BMP8B: variants seen among roughly 807,000 people sequenced by gnomAD.
BMP8B encodes bone morphogenetic protein 8b, also known as bone morphogenetic protein 8 (osteogenic protein 2).
In BMP8B, 17 loss-of-function variants were observed where a neutral mutation model predicts 30.3. That is an observed-to-expected ratio of 0.56 (90% confidence interval 0.38 to 0.84). BMP8B has a LOEUF of 0.84. Among genes scored for constraint, BMP8B ranks in the 40% least tolerant of loss-of-function variants. BMP8B has a pLI of 0.00. For missense variants in BMP8B, 253 were observed against 494.6 expected, an observed-to-expected ratio of 0.51 and a Z score of 4.63; for synonymous variants, 131 against 214.7, an observed-to-expected ratio of 0.61 and a Z score of 3.41.
rs957526438 is a variant in BMP8B at position 39,769,266 on chromosome 1, A to G, written c.674-4449T>C. On this transcript the variant is annotated intron_variant, in intron 3 of 6. Coordinates refer to ENST00000372827, the MANE Select transcript of BMP8B (RefSeq NM_001720.5). ...GCATGTCTTCCAATCACAAACTCAC[A>G]TCTTTGCTCGCCTATTTCTCACTGC... 8.9e-4 allele frequency among the ~76,000 whole-genome samples: 134 copies of G among 150,978 alleles called. 7 individuals carry two copies. Among genetic ancestry groups the G allele is most frequent in the Non-Finnish European group, 1.2e-3 (84 of 67,796 alleles).
Position 39,760,562 on chromosome 1 carries a change from G to A in BMP8B, c.1066C>T (p.Leu356=). The change falls in exon 7 of 7, where the codon CTG becomes TTG. Residue 356 remains leucine (L), a synonymous_variant. Transcript: ENST00000372827. ...NHAILQSLVH[L]MMPDAVPKAC... Reference sequence around the variant, plus strand: ...TTGGGGACTGCGTCTGGCATCATCAGGTGCACCTGGCCAGGAAGAGGGCAC... The same window carrying A: ...TTGGGGACTGCGTCTGGCATCATCAAGTGCACCTGGCCAGGAAGAGGGCAC... 1 of 1,613,674 alleles carries A rather than the reference G, an allele frequency of 6.2e-7. No homozygotes were observed. Among genetic ancestry groups the A allele is most frequent in the Non-Finnish European group, 8.5e-7 (1 of 1,179,980 alleles).
chr1:39,762,558 A>C lies in BMP8B; in HGVS notation c.1059+534T>G, dbSNP rs948428435. 6 of 1,550,314 alleles carry C rather than the reference A, an allele frequency of 3.9e-6. No homozygotes were observed. The African/African-American group carries it at 8.2e-5, about 21-fold the overall frequency. On this transcript the variant is annotated intron_variant, in intron 6 of 6. Coordinates refer to ENST00000372827, the MANE Select transcript of BMP8B (RefSeq NM_001720.5). The stretch of plus-strand genomic sequence containing the variant: ...AGGCATCAAAAGCCAGGGGATCCAG[A>C]AAAAACAAAGATGGCCAAGAGAGAA...
chr1:39,763,122 A>G lies in BMP8B; in HGVS notation c.1029T>C (p.Asn343=), dbSNP rs373261747. The G allele has an allele frequency of 2.8e-4, 447 of 1,614,098 alleles. 4 individuals carry two copies. The Admixed American group carries it at 6.2e-3, about 23-fold the overall frequency. The change falls in exon 6 of 7, where the codon AAT becomes AAC. Residue 343 remains asparagine (N), a synonymous_variant. Coordinates refer to ENST00000372827, the MANE Select transcript of BMP8B (RefSeq NM_001720.5). ...ECSFPLDSCM[N]ATNHAILQSL... is the part of the protein sequence containing the mutation. Reference sequence around the variant, plus strand: ...ACTGCAGGATGGCGTGGTTGGTGGCATTCATGCAGGAGTCCAGTGGGAAGG... The same window carrying G: ...ACTGCAGGATGGCGTGGTTGGTGGCGTTCATGCAGGAGTCCAGTGGGAAGG...
chr1:39,779,409 C>T (rs940654765), intron 1 of BMP8B, among the ~76,000 whole-genome samples: 7 of 152,144 alleles, frequency 4.6e-5, no homozygotes, highest in African/African-American at 1.7e-4. Flanking sequence ...TGGGGGGTGC[C>T]AGGAAGAGTC....
chr1:39,783,899 G>C (rs964572000), intron 1 of BMP8B, among the ~76,000 whole-genome samples: 4 of 152,228 alleles, frequency 2.6e-5, no homozygotes, highest in Non-Finnish European at 5.9e-5. Flanking sequence ...GAAAGAGCAA[G>C]ACCCTGTCTC....
chr1:39,779,695 G>A (rs1202494996), intron 1 of BMP8B, among the ~76,000 whole-genome samples: 1 of 152,218 alleles, frequency 6.6e-6, no homozygotes, highest in Middle Eastern at 3.2e-3. Context: ...AGAGGCGGGA[G>A]ATGCTGTGCC....
rs549048314 is a variant in BMP8B, at chr1:39,778,393, G to A, written c.335-3355C>T. Among the ~76,000 whole-genome samples the A allele has an allele frequency of 1.6e-4, 24 of 151,702 alleles. No homozygotes were observed. In the East Asian group the frequency reaches 3.7e-3, roughly 23 times the overall value. On this transcript the variant is annotated intron_variant, in intron 1 of 6. Coordinates refer to ENST00000372827, the MANE Select transcript of BMP8B (RefSeq NM_001720.5). ...GGTCCCACAGGCAGCAAAGGCGGTG[G>A]GGCAGGGGCACTTCAGACCCAAAAG...
intron 1 of BMP8B, among the ~76,000 whole-genome samples, chr1:39,777,282 G>A (rs1424541969): frequency 6.6e-6 from 1 of 152,196 alleles, no homozygotes; most frequent in Non-Finnish European, 1.5e-5. Context: ...AATCATAAAA[G>A]CTGCCCCAAA....
chr1:39,785,846 T>A, intron 1 of BMP8B, among the ~76,000 whole-genome samples: 1 of 152,186 alleles, frequency 6.6e-6, no homozygotes, highest in Admixed American at 6.5e-5. Flanking sequence ...AATTACCAGT[T>A]AAAGCTACTC....
In BMP8B at chr1:39,780,728, T is replaced by A. The variant is rs984398955; in HGVS notation, c.335-5690A>T. On this transcript the variant is annotated intron_variant, in intron 1 of 6. Coordinates refer to ENST00000372827, the MANE Select transcript of BMP8B (RefSeq NM_001720.5). Reference sequence around the variant, plus strand: ...GCAACATCATGAGACCTCGTCTCTATAAAAAAATGTTTAAAAATTATCTGG... The same window carrying A: ...GCAACATCATGAGACCTCGTCTCTAAAAAAAAATGTTTAAAAATTATCTGG... Among the ~76,000 whole-genome samples the A allele has an allele frequency of 3.9e-5, 6 of 152,252 alleles. No individual in the cohort carries two copies. In the East Asian group the frequency reaches 1.2e-3, roughly 29 times the overall value.
chr1:39,788,681 T>G lies in BMP8B; in HGVS notation c.-196A>C. On this transcript the variant is annotated 5_prime_UTR_variant, in exon 1 of 7. Transcript: ENST00000372827. The surrounding 1 kb of genome is among the most constrained non-coding windows in gnomAD (Gnocchi z 5.8). The stretch of plus-strand genomic sequence containing the variant: ...CCCGCCGCGCGACACCTGTCCTGGC[T>G]CCTGGACGAGAGGACGCGGACGCCA... 8.8e-6 allele frequency: 3 copies of G among 339,854 alleles called. No individual in the cohort carries two copies. Among genetic ancestry groups the G allele is most frequent in the Non-Finnish European group, 1.2e-5 (3 of 240,558 alleles). 21.1% of individuals were successfully genotyped at this position (339,854 alleles called of 1,614,324 possible).
intron 1 of BMP8B, among the ~76,000 whole-genome samples, chr1:39,787,085 G>A (rs535904019): frequency 2.0e-4 from 30 of 152,362 alleles, no homozygotes; most frequent in African/African-American, 5.5e-4. Context: ...GCTCAGCAGC[G>A]TAGAGGCTGC....
chr1:39,770,660 A>G lies in BMP8B; in HGVS notation c.673+3648T>C, dbSNP rs757305150. The G allele has an allele frequency of 2.0e-6, 3 of 1,480,586 alleles. No homozygotes were observed. The South Asian group carries it at 3.6e-5, about 18-fold the overall frequency. The allele number at this position is 1,480,586 out of a possible 1,614,324, so 91.7% of individuals were successfully genotyped here. On this transcript the variant is annotated intron_variant, in intron 3 of 6. Transcript: ENST00000372827. ...GAAGTCTGCCCGGATGGCGCGCTCC[A>G]AAAGGAAGTGGTCGCCGTTGAACTC...
rs2745519 is a variant in BMP8B at position 39,788,080 on chromosome 1, A to C, written c.334+72T>G. On this transcript the variant is annotated intron_variant, in intron 1 of 6. Transcript: ENST00000372827. The surrounding 1 kb of genome is among the most constrained non-coding windows in gnomAD (Gnocchi z 5.8). ...TCCCCGTTCGGCCAGGGCCCGGCACAGCCCGCGGATGCGCGCCCCTCCCCT... is the reference window on the plus strand; with the variant it reads ...TCCCCGTTCGGCCAGGGCCCGGCACCGCCCGCGGATGCGCGCCCCTCCCCT... The C allele has an allele frequency of 6.4e-5, 90 of 1,405,962 alleles. No homozygotes were observed. Among genetic ancestry groups the C allele is most frequent in the South Asian group, 3.0e-4 (20 of 67,350 alleles). The allele number at this position is 1,405,962 out of a possible 1,614,324, so 87.1% of individuals were successfully genotyped here.
At position 39,788,063 on chromosome 1, in the gene BMP8B, C is replaced by T. The variant is rs553288914; in HGVS notation, c.334+89G>A. The T allele has an allele frequency of 1.7e-5, 23 of 1,386,518 alleles. No individual in the cohort carries two copies. Among genetic ancestry groups the T allele is most frequent in the Non-Finnish European group, 2.0e-5 (22 of 1,073,300 alleles). 85.9% of individuals were successfully genotyped at this position (1,386,518 alleles called of 1,614,324 possible). ...CGTCCACCGTCTGTGACTCCCCGTT[C>T]GGCCAGGGCCCGGCACAGCCCGCGG... On this transcript the variant is annotated intron_variant, in intron 1 of 6. Coordinates refer to ENST00000372827, the MANE Select transcript of BMP8B (RefSeq NM_001720.5). This position sits in a 1 kb window ranked among gnomAD's most constrained non-coding sequence, Gnocchi z 5.8.
rs779642898 is a variant in BMP8B, at chr1:39,760,205, A to G, written c.*214T>C. 5.0e-6 allele frequency: 4 copies of G among 801,640 alleles called. No individual in the cohort carries two copies. Among genetic ancestry groups the G allele is most frequent in the Non-Finnish European group, 7.6e-6 (4 of 523,440 alleles). 49.7% of individuals were successfully genotyped at this position (801,640 alleles called of 1,614,324 possible). A position where few individuals can be genotyped will look rare whatever the true frequency, so the allele number is the denominator to read the frequency against. ...AGAACACTGCCTGATGATTGAGACC[A>G]CCTGGGCTGGAAACAGGACAGTCAC... On this transcript the variant is annotated 3_prime_UTR_variant, in exon 7 of 7. Transcript: ENST00000372827.
intron 1 of BMP8B, among the ~76,000 whole-genome samples, chr1:39,786,692 C>T (rs1334042178): frequency 6.6e-6 from 1 of 151,924 alleles, no homozygotes; most frequent in Admixed American, 6.6e-5. Context: ...ATGACAGAGC[C>T]CCAGCCCCAG....
rs1649796192 is a variant in BMP8B at position 39,769,453 on chromosome 1, A to G, written c.674-4636T>C. 9.3e-6 allele frequency: 4 copies of G among 432,188 alleles called. No individual in the cohort carries two copies. In the South Asian group the frequency reaches 1.6e-4, roughly 17 times the overall value. 26.8% of individuals were successfully genotyped at this position (432,188 alleles called of 1,614,324 possible). A position where few individuals can be genotyped will look rare whatever the true frequency, so the allele number is the denominator to read the frequency against. ...GCTCTGTGTAAACATCACAGAGCAA[A>G]GCGGACATCCATTCCTCACCACTGC... On this transcript the variant is annotated intron_variant, in intron 3 of 6. Transcript: ENST00000372827.
Position 39,770,777 on chromosome 1 carries a change from C to T in BMP8B, c.673+3531G>A, listed in dbSNP as rs1243859849. On this transcript the variant is annotated intron_variant, in intron 3 of 6. Coordinates refer to ENST00000372827, the MANE Select transcript of BMP8B (RefSeq NM_001720.5). Reference sequence around the variant, plus strand: ...CCCTTCCTGGACCAGGGTCCCGTAGCCCGTGGGGGTGTAGAAGGCGGGCAC... The same window carrying T: ...CCCTTCCTGGACCAGGGTCCCGTAGTCCGTGGGGGTGTAGAAGGCGGGCAC... 5 of 873,492 alleles carry T rather than the reference C, an allele frequency of 5.7e-6. No individual in the cohort carries two copies. The South Asian group carries it at 7.3e-5, about 13-fold the overall frequency. 54.1% of individuals were successfully genotyped at this position (873,492 alleles called of 1,614,324 possible). A position where few individuals can be genotyped will look rare whatever the true frequency, so the allele number is the denominator to read the frequency against.
Sources: allele counts gnomAD v4.1 joint callset (sites outside exome capture counted in the v4.1 genomes callset), GRCh38; gene constraint gnomAD v4.1.1; non-coding constraint Gnocchi (gnomAD v3.1); transcripts MANE v1.5; gene names NCBI Gene and HGNC (gene_info 2026-07-23, HGNC 2026-07-21).